SLC7A9: variants seen among roughly 807,000 people sequenced by gnomAD.
SLC7A9 encodes solute carrier family 7 member 9.
In SLC7A9, 38 loss-of-function variants were observed where a neutral mutation model predicts 54.1. The observed-to-expected ratio is 0.70, with a 90% CI of 0.54 to 0.92. The LOEUF (loss-of-function observed/expected upper bound fraction) is 0.92. SLC7A9 is among the 40% of genes least tolerant of loss of function. The pLI, the probability that SLC7A9 is intolerant of heterozygous loss-of-function variation, is 0.00. For synonymous variants in SLC7A9, 264 were observed against 258.9 expected, an observed-to-expected ratio of 1.02 and a Z score of -0.19; for missense variants, 537 against 636.1, an observed-to-expected ratio of 0.84 and a Z score of 1.68.
intron 9 of SLC7A9, among the ~76,000 whole-genome samples, chr19:32,848,574 C>G (rs1968370340): frequency 1.3e-5 from 2 of 152,154 alleles, no homozygotes; most frequent in South Asian, 4.1e-4. Flanking sequence ...GACTCCCACA[C>G]AATAATAATG....
At chr19:32,868,834 T>C (rs576925677) in intron 1 of SLC7A9, among the ~76,000 whole-genome samples, 189 bp from the exon 2 acceptor site, 1 of 152,264 alleles carries the variant, frequency 6.6e-6, no homozygotes, top group Admixed American at 6.6e-5. Flanking sequence ...GGGAGCCTCC[T>C]GGCCCACGTG....
intron 11 of SLC7A9, among the ~76,000 whole-genome samples, chr19:32,834,718 A>T (rs1019632987): frequency 1.3e-5 from 2 of 152,176 alleles, no homozygotes; most frequent in Non-Finnish European, 2.9e-5. Context: ...TATTAGGAAC[A>T]AAGTTAAGTT....
At chr19:32,857,417 C>T (rs1206065032) in intron 9 of SLC7A9, among the ~76,000 whole-genome samples, 1 of 152,086 alleles carries the variant, frequency 6.6e-6, no homozygotes, top group East Asian at 1.9e-4. Flanking sequence ...GTGCTCCAGC[C>T]TGGGCGACAG....
chr19:32,847,828 A>G (rs1968345995), intron 9 of SLC7A9, among the ~76,000 whole-genome samples: 1 of 152,226 alleles, frequency 6.6e-6, no homozygotes, highest in East Asian at 1.9e-4. Context: ...TCAGACTAAC[A>G]GCGGATCTCT....
At chr19:32,838,444 T>C (rs538295514) in intron 11 of SLC7A9, among the ~76,000 whole-genome samples, 18 of 148,930 alleles carry the variant, frequency 1.2e-4, no homozygotes, top group Admixed American at 4.1e-4. Flanking sequence ...GTATAATATA[T>C]GTGTATATTA....
intron 7 of SLC7A9, chr19:32,860,345 T>C (rs1305094264): frequency 2.9e-6 from 4 of 1,369,720 alleles, no homozygotes; most frequent in Non-Finnish European, 3.8e-6. Context: ...TCTCTTGAGG[T>C]TGGGAGTTCA....
chr19:32,851,474 C>A (rs1041846413), intron 9 of SLC7A9, among the ~76,000 whole-genome samples: 16 of 150,672 alleles, frequency 1.1e-4, no homozygotes, highest in African/African-American at 3.6e-4. Context: ...CAATGAGATA[C>A]CATCTCACAC....
rs74855761 is a variant in SLC7A9 at position 32,835,559 on chromosome 19, A to C, written c.1225-2236T>G. Among the ~76,000 whole-genome samples the C allele has an allele frequency of 3.4e-4, 52 of 152,324 alleles. No homozygotes were observed. The East Asian group carries it at 8.5e-3, about 25-fold the overall frequency. On this transcript the variant is annotated intron_variant, in intron 11 of 12. Coordinates refer to ENST00000023064, the MANE Select transcript of SLC7A9 (RefSeq NM_014270.5). Reference sequence around the variant, plus strand: ...TCTTAGTTGCATTAGAATCACAGGGAAATTCTAAAAATCAGACAATTCCAG... The same window carrying C: ...TCTTAGTTGCATTAGAATCACAGGGCAATTCTAAAAATCAGACAATTCCAG...
intron 9 of SLC7A9, among the ~76,000 whole-genome samples, chr19:32,856,061 C>T (rs977202826): frequency 2.0e-5 from 3 of 152,032 alleles, no homozygotes; most frequent in Non-Finnish European, 4.4e-5. Context: ...GAAGAGGGGC[C>T]TGGGATGGCA....
At position 32,833,241 on chromosome 19, in the gene SLC7A9, TC is replaced by T; in HGVS notation, c.1306del (p.Glu436SerfsTer10). 2 of 1,614,132 alleles carry T rather than the reference TC, an allele frequency of 1.2e-6. No individual in the cohort carries two copies. The highest frequency in any genetic ancestry group is 1.7e-6 in the Non-Finnish European group (2 of 1,180,006). On this transcript the variant is annotated frameshift_variant, in exon 12 of 13. Coordinates refer to ENST00000023064, the MANE Select transcript of SLC7A9 (RefSeq NM_014270.5). LOFTEE classifies it high-confidence loss of function. The part of the protein sequence containing the change: ...LAPIISKPTW[E>X]YLYCVLFILS... ...TATAAACAGCACACAGTAGAGGTACTCCCAGGTGGGCTTGCTGATGATTGGA... is the reference window on the plus strand; with the variant it reads ...TATAAACAGCACACAGTAGAGGTACTCCAGGTGGGCTTGCTGATGATTGGA...
chr19:32,863,960 A>G, intron 4 of SLC7A9, 136 bp downstream of exon 4: 6 of 1,363,720 alleles, frequency 4.4e-6, no homozygotes, highest in Non-Finnish European at 6.2e-6. Context: ...CAGCACCCAC[A>G]GGTACTGCAA....
At chr19:32,867,101 G>A (rs147955293) in intron 2 of SLC7A9, among the ~76,000 whole-genome samples, 3,335 of 152,316 alleles carry the variant, frequency 0.022, 54 homozygotes, top group Middle Eastern at 0.058. Context: ...GCTGTCCCTG[G>A]TAGATGCCTC....
At chr19:32,844,037 C>A in intron 9 of SLC7A9, 86 bp from the exon 10 acceptor site, 4 of 1,023,534 alleles carry the variant, frequency 3.9e-6, no homozygotes, top group Non-Finnish European at 6.1e-6. Context: ...CGGGGTCCAC[C>A]AAGGAGCCCT....
Position 32,858,473 on chromosome 19 carries a change from C to T in SLC7A9, c.944G>A (p.Gly315Asp), listed in dbSNP as rs1460164557. 6.2e-7 allele frequency: 1 copy of T among 1,613,576 alleles called. No homozygotes were observed. Among genetic ancestry groups the T allele is most frequent in the South Asian group, 1.1e-5 (1 of 91,082 alleles). The change falls in exon 9 of 13, where the codon GGT becomes GAT. Residue 315 changes from glycine (G) to aspartate (D), a missense_variant. Coordinates refer to ENST00000023064, the MANE Select transcript of SLC7A9 (RefSeq NM_014270.5). The stretch of plus-strand genomic sequence containing the variant: ...TGTGAAGCAGGTCCCGTTAGCAGCA[C>T]CGATGGTTGAAAATGCCACAAAAAG... Reference protein sequence around the residue: ...VPLFVAFSTIGAANGTCFTAG... With the variant: ...VPLFVAFSTIDAANGTCFTAG...
intron 9 of SLC7A9, among the ~76,000 whole-genome samples, chr19:32,854,990 T>C (rs1968576952): frequency 6.6e-6 from 1 of 152,190 alleles, no homozygotes; most frequent in Non-Finnish European, 1.5e-5. Flanking sequence ...ATGTCAGGTG[T>C]CTGCACTCCC....
At chr19:32,831,532 G>A (rs1967794030) in intron 12 of SLC7A9, among the ~76,000 whole-genome samples, 1 of 152,054 alleles carries the variant, frequency 6.6e-6, no homozygotes, top group Non-Finnish European at 1.5e-5. Context: ...CTCGTGATCT[G>A]CCCCCTCAGC....
intron 10 of SLC7A9, 52 bp downstream of exon 10, chr19:32,843,803 G>T: frequency 7.2e-7 from 1 of 1,393,310 alleles, no homozygotes; most frequent in Non-Finnish European, 1.0e-6. Context: ...AGCACCCCAT[G>T]GATGGAGTGT....
chr19:32,868,669 T>C (rs1374125143), intron 1 of SLC7A9, 24 bp from the exon 2 acceptor site: 3 of 753,006 alleles, frequency 4.0e-6, no homozygotes, highest in Non-Finnish European at 7.1e-6. Context: ...GTGTTGGTTA[T>C]TGCTGCAGGT....
chr19:32,848,331 G>A (rs988455853), intron 9 of SLC7A9, among the ~76,000 whole-genome samples: 11 of 152,140 alleles, frequency 7.2e-5, no homozygotes, highest in Non-Finnish European at 1.5e-4. Context: ...AAAATAAAGG[G>A]ATGGAGGAAG....
Sources: allele counts gnomAD v4.1 joint callset (sites outside exome capture counted in the v4.1 genomes callset), GRCh38; gene constraint gnomAD v4.1.1; transcripts MANE v1.5; gene names NCBI Gene and HGNC (gene_info 2026-07-23, HGNC 2026-07-21).